SGCD: variants seen among roughly 807,000 people sequenced by gnomAD.
The protein encoded by SGCD is delta-sarcoglycan.
Under a neutral mutation model 36.6 loss-of-function variants are expected in SGCD, and 18 were observed. That is an observed-to-expected ratio of 0.49 (90% CI 0.34 to 0.73). The LOEUF is 0.73. Ranked by LOEUF, SGCD falls within the 30% of genes least tolerant of loss-of-function variation. The pLI, the probability that SGCD is intolerant of heterozygous loss-of-function variation, is 0.01. For missense variants in SGCD, 387 were observed against 346.7 expected (o/e 1.12, Z -0.92); for synonymous variants, 133 against 130.6 (o/e 1.02, Z -0.12).
chr5:156,548,232 A>C (rs892005319), intron 4 of SGCD, among the ~76,000 whole-genome samples: 31 of 152,230 alleles, frequency 2.0e-4, no homozygotes, highest in African/African-American at 7.5e-4. Context: ...TTTCACTGGC[A>C]AGATGAATAT....
In SGCD at chr5:156,715,446, G is replaced by A. The variant is rs989840988; in HGVS notation, c.576-42135G>A. 5.3e-4 allele frequency among the ~76,000 whole-genome samples: 81 copies of A among 152,142 alleles called. 1 individual carries two copies. Among genetic ancestry groups the A allele is most frequent in the Non-Finnish European group, 7.4e-5 (5 of 68,020 alleles). On this transcript the variant is annotated intron_variant, in intron 7 of 8. Transcript: ENST00000337851. The stretch of plus-strand genomic sequence containing the variant: ...TAGGGCTTGCAAATGGTCTTTTTCG[G>A]TCAGCTTTGGCTTGCTCATTATGTT...
chr5:156,302,101 G>T (rs1767068795), intron 3 of SGCD, among the ~76,000 whole-genome samples: 1 of 151,970 alleles, frequency 6.6e-6, no homozygotes, highest in African/African-American at 2.4e-5. Context: ...ACTTTCTACG[G>T]CTATCTTCTT....
Position 155,968,759 on chromosome 5 carries a change from C to T in SGCD, c.-282+98335C>T, listed in dbSNP as rs957556101. Among the ~76,000 whole-genome samples the T allele has an allele frequency of 1.4e-4, 21 of 152,004 alleles. 1 individual carries two copies. Among genetic ancestry groups the T allele is most frequent in the Admixed American group, 4.6e-4 (7 of 15,254 alleles). The stretch of plus-strand genomic sequence containing the variant: ...AACTCCCATAATCAAGAAGAACAGA[C>T]GAATTGTACATTTGCATCCCCATCC... On this transcript the variant is annotated intron_variant, in intron 1 of 9. Coordinates refer to the SGCD transcript ENST00000517913.
At chr5:155,767,588 GT>G in the SGCD span, among the ~76,000 whole-genome samples, 1 of 152,166 alleles carries the variant, frequency 6.6e-6, no homozygotes, top group Non-Finnish European at 1.5e-5. Context: ...GACAGGAGGA[GT>G]TGTATTTTTT....
intron 1 of SGCD, among the ~76,000 whole-genome samples, chr5:155,967,811 G>A (rs1388408930): frequency 6.6e-6 from 1 of 152,030 alleles, no homozygotes; most frequent in African/African-American, 2.4e-5. Flanking sequence ...GGTAGAGATA[G>A]TGTGGCGCTC....
chr5:155,956,126 C>T (rs1991794), intron 1 of SGCD, among the ~76,000 whole-genome samples: 12,079 of 41,118 alleles, frequency 0.29, 641 homozygotes, highest in African/African-American at 0.4. Context: ...TTTTTTTTTT[C>T]CCACCTCTCC....
intron 3 of SGCD, among the ~76,000 whole-genome samples, chr5:156,381,971 AATGT>A (rs1771007453): frequency 1.3e-5 from 2 of 152,234 alleles, no homozygotes; most frequent in South Asian, 4.1e-4. Flanking sequence ...GTAAGTGGTC[AATGT>A]ATGTTTTTAT....
At chr5:156,261,090 A>G (rs1360025866) in intron 3 of SGCD, among the ~76,000 whole-genome samples, 1 of 152,114 alleles carries the variant, frequency 6.6e-6, no homozygotes, top group Admixed American at 6.6e-5. Context: ...TTTTGTGTCT[A>G]TGTTCACAAG....
intron 3 of SGCD, among the ~76,000 whole-genome samples, chr5:156,249,911 G>T (rs1765533843): frequency 2.0e-5 from 3 of 152,128 alleles, no homozygotes; most frequent in Admixed American, 1.3e-4. Flanking sequence ...TAATGGAAAA[G>T]GTCTTTGAAA....
rs144190579 is a variant in SGCD, at chr5:156,454,992, A to G, written c.193-53609A>G. 1.5e-3 allele frequency among the ~76,000 whole-genome samples: 225 copies of G among 152,314 alleles called. 1 individual carries two copies. The highest frequency in any genetic ancestry group is 5.1e-3 in the African/African-American group (213 of 41,578). On this transcript the variant is annotated intron_variant, in intron 3 of 8. Coordinates refer to ENST00000337851, the MANE Select transcript of SGCD (RefSeq NM_000337.6). ...CTCCCTTCTGCAATGTGCCTTCAGGAGAGAGTTCAACATCATCTTCCTTGT... is the reference window on the plus strand; with the variant it reads ...CTCCCTTCTGCAATGTGCCTTCAGGGGAGAGTTCAACATCATCTTCCTTGT...
chr5:156,395,851 G>A (rs528356653), intron 3 of SGCD, among the ~76,000 whole-genome samples: 63 of 152,264 alleles, frequency 4.1e-4, no homozygotes, highest in African/African-American at 1.5e-3. Flanking sequence ...GATAAACTAA[G>A]TTAATCTCTA....
At chr5:155,896,504 G>A (rs1756264447) in intron 1 of SGCD, among the ~76,000 whole-genome samples, 1 of 150,470 alleles carries the variant, frequency 6.6e-6, no homozygotes, top group South Asian at 2.1e-4. Flanking sequence ...GAATTAGGCA[G>A]CCACGATGAT....
chr5:156,549,402 G>A (rs1157848384), intron 4 of SGCD, among the ~76,000 whole-genome samples: 1 of 152,214 alleles, frequency 6.6e-6, no homozygotes, highest in Non-Finnish European at 1.5e-5. Context: ...ATACTTGGCT[G>A]CAAATATCCA....
At chr5:156,417,157 G>A (rs952882746) in intron 3 of SGCD, among the ~76,000 whole-genome samples, 35 of 152,266 alleles carry the variant, frequency 2.3e-4, no homozygotes, top group African/African-American at 7.7e-4. Flanking sequence ...TTGATAATGT[G>A]ATGATGCTTC....
chr5:156,535,570 G>A (rs1022925176), intron 4 of SGCD, among the ~76,000 whole-genome samples: 2 of 152,178 alleles, frequency 1.3e-5, no homozygotes, highest in Non-Finnish European at 2.9e-5. Context: ...TTATCAGTTA[G>A]GGGATAATTT....
At chr5:156,543,736 A>G (rs1758447143) in intron 4 of SGCD, among the ~76,000 whole-genome samples, 1 of 152,224 alleles carries the variant, frequency 6.6e-6, no homozygotes, top group Admixed American at 6.5e-5. Context: ...AAAGGGACTG[A>G]GAAATAGCCT....
chr5:155,773,424 C>T, the SGCD span, among the ~76,000 whole-genome samples: 41,886 of 152,062 alleles, frequency 0.28, 7,374 homozygotes, highest in East Asian at 0.44. Flanking sequence ...AACCAGTCCT[C>T]CTGACTTGGC....
At chr5:155,766,517 GAA>G in the SGCD span, among the ~76,000 whole-genome samples, 1 of 152,088 alleles carries the variant, frequency 6.6e-6, no homozygotes, top group African/African-American at 2.4e-5. Context: ...AGCTTCCTAA[GAA>G]TGATTAGAAA....
At chr5:155,783,159 T>A in the SGCD span, among the ~76,000 whole-genome samples, 1 of 152,162 alleles carries the variant, frequency 6.6e-6, no homozygotes, top group South Asian at 2.1e-4. Context: ...ACAATAAATG[T>A]AAATCATGCA....
Sources: gnomAD v4.1 joint callset for allele counts (sites outside exome capture counted in the v4.1 genomes callset) on GRCh38, gnomAD v4.1.1 for gene constraint, MANE v1.5 for transcripts, NCBI Gene and HGNC (gene_info 2026-07-23, HGNC 2026-07-21) for gene names.